TAB1: variants seen among roughly 807,000 people sequenced by gnomAD.
TAB1 encodes the protein TGF-beta activated kinase 1 (MAP3K7) binding protein 1.
Under a neutral mutation model 54.5 loss-of-function variants are expected in TAB1, and 30 were observed. The observed-to-expected ratio is 0.55, with a 90% CI of 0.41 to 0.75. The LOEUF (loss-of-function observed/expected upper bound fraction) is 0.75. TAB1 is among the 30% of genes least tolerant of loss of function. The pLI, the probability that TAB1 is intolerant of heterozygous loss-of-function variation, is 0.00. For missense variants in TAB1, 609 were observed against 683.2 expected (o/e 0.89, Z 1.21); for synonymous variants, 289 against 286.9 (o/e 1.01, Z -0.07).
rs552936584 is a variant in TAB1, at chr22:39,415,823, A to G, written c.324+170A>G. 3.3e-5 allele frequency among the ~76,000 whole-genome samples: 5 copies of G among 152,324 alleles called. No homozygotes were observed. Among genetic ancestry groups the G allele is most frequent in the African/African-American group, 1.2e-4 (5 of 41,584 alleles). On this transcript the variant is annotated intron_variant, in intron 3 of 10. Coordinates refer to ENST00000216160, the MANE Select transcript of TAB1 (RefSeq NM_006116.3). This position sits in a 1 kb window ranked among gnomAD's most constrained non-coding sequence, Gnocchi z 4.9. ...AGGCCCCCCCACCCAACAGGAGTCCAGGACCAGCCAGCGAGCAGCAGGCCT... is the reference window on the plus strand; with the variant it reads ...AGGCCCCCCCACCCAACAGGAGTCCGGGACCAGCCAGCGAGCAGCAGGCCT...
chr22:39,434,500 G>A (rs1927712831), downstream of TAB1, among the ~76,000 whole-genome samples: 4 of 152,302 alleles, frequency 2.6e-5, no homozygotes, highest in South Asian at 8.3e-4. Context: ...AAACAAGGAT[G>A]CAGATTTCTG....
downstream of TAB1, among the ~76,000 whole-genome samples, chr22:39,436,241 G>A (rs1440117367): frequency 4.6e-5 from 7 of 152,046 alleles, no homozygotes; most frequent in Non-Finnish European, 8.8e-5. Context: ...TGCAGTGAGT[G>A]GAGATTGTGC....
rs375542675 is a variant in TAB1, at chr22:39,430,219, G to A, written c.1512G>A (p.Pro504=). ...DHGEQSVVTA[P] is the part of the protein sequence containing the mutation. Reference sequence around the variant, plus strand: ...GCGAGCAGAGCGTGGTGACAGCACCGTAGGGCAGCCGGAGAATGCAGCCCA... The same window carrying A: ...GCGAGCAGAGCGTGGTGACAGCACCATAGGGCAGCCGGAGAATGCAGCCCA... The change falls in exon 11 of 11, where the codon CCG becomes CCA. Residue 504 remains proline, a synonymous_variant. Transcript: ENST00000216160. 14 of 1,611,904 alleles carry A rather than the reference G, an allele frequency of 8.7e-6. No individual in the cohort carries two copies. Among genetic ancestry groups the A allele is most frequent in the Admixed American group, 3.3e-5 (2 of 60,030 alleles).
downstream of TAB1, chr22:39,432,916 G>T (rs992299372): frequency 1.0e-6 from 1 of 985,322 alleles, no homozygotes; most frequent in African/African-American, 1.7e-5. Flanking sequence ...GAATGGGTTT[G>T]AGGACTTAAG....
chr22:39,415,677 G>T lies in TAB1; in HGVS notation c.324+24G>T. On this transcript the variant is annotated intron_variant, in intron 3 of 10. Transcript: ENST00000216160. The surrounding 1 kb of genome is among the most constrained non-coding windows in gnomAD (Gnocchi z 4.9). Reference sequence around the variant, plus strand: ...AGGTAATGGTGCCGGGGCCAACAGTGACCCAGCCACATCATGTCCCCCACC... The same window carrying T: ...AGGTAATGGTGCCGGGGCCAACAGTTACCCAGCCACATCATGTCCCCCACC... 1.9e-6 allele frequency: 3 copies of T among 1,595,660 alleles called. No homozygotes were observed. The South Asian group carries it at 3.3e-5, about 18-fold the overall frequency.
chr22:39,414,999 TC>T lies in TAB1; in HGVS notation c.34-3del, dbSNP rs1227185343. On this transcript the variant is annotated splice_polypyrimidine_tract_variant and splice_region_variant and intron_variant, in intron 1 of 10. Transcript: ENST00000216160. Reference sequence around the variant, plus strand: ...GCGTCTCACGGCTTCCTGGTGTCCTTCCCCAGGAGCAGCAGCCAAGCTGGAC... The same window carrying T: ...GCGTCTCACGGCTTCCTGGTGTCCTTCCCAGGAGCAGCAGCCAAGCTGGAC... The T allele has an allele frequency of 1.2e-6, 2 of 1,613,684 alleles. No individual in the cohort carries two copies. Among genetic ancestry groups the T allele is most frequent in the Admixed American group, 1.7e-5 (1 of 59,978 alleles).
Position 39,415,126 on chromosome 22 carries a change from A to G in TAB1, c.154A>G (p.Ser52Gly). The change falls in exon 2 of 11, where the codon AGC becomes GGC. Residue 52 changes from serine (S) to glycine (G), a missense_variant. Coordinates refer to ENST00000216160, the MANE Select transcript of TAB1 (RefSeq NM_006116.3). The surrounding 1 kb of genome is among the most constrained non-coding windows in gnomAD (Gnocchi z 4.9). ...KGTESHPPEDSWLKFRSENNC... is the reference protein window; with the variant it reads ...KGTESHPPEDGWLKFRSENNC... ...CACTGAGAGCCACCCGCCAGAGGAC[A>G]GCTGGCTCAAGTTCAGGTGTGTGTG... is the stretch of plus-strand genomic sequence containing the variant. The G allele has an allele frequency of 6.3e-7, 1 of 1,592,662 alleles. No homozygotes were observed. Among genetic ancestry groups the G allele is most frequent in the Non-Finnish European group, 8.6e-7 (1 of 1,166,344 alleles).
At chr22:39,409,036 T>C (rs1926499700) in intron 1 of TAB1, among the ~76,000 whole-genome samples, 1 of 152,244 alleles carries the variant, frequency 6.6e-6, no homozygotes, top group African/African-American at 2.4e-5. Context: ...TCATCTCATA[T>C]GAGAGGATGA....
intron 8 of TAB1, among the ~76,000 whole-genome samples, chr22:39,425,787 C>T (rs927872939): frequency 1.3e-5 from 2 of 151,588 alleles, no homozygotes; most frequent in East Asian, 1.9e-4. Flanking sequence ...ACCTCATGAT[C>T]GGCCTGCCTC....
chr22:39,413,602 A>G (rs1007323433), intron 1 of TAB1, among the ~76,000 whole-genome samples: 1 of 152,140 alleles, frequency 6.6e-6, no homozygotes, highest in Non-Finnish European at 1.5e-5. Context: ...TGTTTTTAAC[A>G]GAGACAGAGA....
chr22:39,415,402 C>A lies in TAB1; in HGVS notation c.171-98C>A. The A allele has an allele frequency of 9.0e-6, 13 of 1,437,746 alleles. No individual in the cohort carries two copies. The highest frequency in any genetic ancestry group is 1.2e-5 in the Non-Finnish European group (13 of 1,043,806). The allele number at this position is 1,437,746 out of a possible 1,614,324, so 89.1% of individuals were successfully genotyped here. On this transcript the variant is annotated intron_variant, in intron 2 of 10. Transcript: ENST00000216160. This position sits in a 1 kb window ranked among gnomAD's most constrained non-coding sequence, Gnocchi z 4.9. ...CCCAGGAGGGCCCCTGAAGCTGCAG[C>A]TGCTGTCGCTTTAGTCTCCCCCAAT...
At chr22:39,417,891 G>T in intron 5 of TAB1, 42 bp downstream of exon 5, 2 of 1,563,640 alleles carry the variant, frequency 1.3e-6, no homozygotes, top group Non-Finnish European at 1.7e-6. Flanking sequence ...ACTGGGGAGA[G>T]GTCAGCCACA....
At position 39,430,934 on chromosome 22, in the gene TAB1, G is replaced by A. The variant is rs981912801; in HGVS notation, c.*712G>A. The A allele has an allele frequency of 6.1e-6, 6 of 987,800 alleles. No homozygotes were observed. The African/African-American group carries it at 8.7e-5, about 14-fold the overall frequency. The allele number at this position is 987,800 out of a possible 1,614,324, so 61.2% of individuals were successfully genotyped here. On this transcript the variant is annotated 3_prime_UTR_variant, in exon 11 of 11. Coordinates refer to ENST00000216160, the MANE Select transcript of TAB1 (RefSeq NM_006116.3). ...CCCCAGAGCCAGGCGTGCGGGAGAGGTGAGGACTGGCCCCGGTGGGCTGAG... is the reference window on the plus strand; with the variant it reads ...CCCCAGAGCCAGGCGTGCGGGAGAGATGAGGACTGGCCCCGGTGGGCTGAG...
chr22:39,411,373 A>G (rs1292034758), intron 1 of TAB1, among the ~76,000 whole-genome samples: 1 of 152,254 alleles, frequency 6.6e-6, no homozygotes, highest in African/African-American at 2.4e-5. Context: ...CTAAGTTACA[A>G]ATAAAAAGAA....
At chr22:39,418,561 C>T (rs372916790) in intron 5 of TAB1, among the ~76,000 whole-genome samples, 171 bp from the exon 6 acceptor site, 3 of 152,296 alleles carry the variant, frequency 2.0e-5, no homozygotes, top group South Asian at 2.1e-4. Flanking sequence ...CCAATTCTTT[C>T]GTATCACCAG....
chr22:39,409,345 A>T (rs767857570), intron 1 of TAB1, among the ~76,000 whole-genome samples: 50 of 152,246 alleles, frequency 3.3e-4, no homozygotes, highest in Non-Finnish European at 5.0e-4. Context: ...ATGAAAATAT[A>T]CTAAGCAGAT....
At chr22:39,400,470 G>A (rs1926088961) in intron 1 of TAB1, among the ~76,000 whole-genome samples, 1 of 152,114 alleles carries the variant, frequency 6.6e-6, no homozygotes, top group Non-Finnish European at 1.5e-5. Flanking sequence ...CTCTGACTGT[G>A]TCTCCCTCAG....
chr22:39,399,955 C>T (rs990543874), intron 1 of TAB1, 120 bp downstream of exon 1: 1 of 1,099,536 alleles, frequency 9.1e-7, no homozygotes, highest in Non-Finnish European at 1.3e-6. Context: ...TGGGGTGTGT[C>T]AGCCACCTTC....
intron 10 of TAB1, chr22:39,429,512 T>C (rs1287534296): frequency 2.1e-6 from 1 of 469,540 alleles, no homozygotes; most frequent in African/African-American, 2.1e-5. Flanking sequence ...AGTTTCACTC[T>C]TGTTGCCCAG....
Sources: allele counts gnomAD v4.1 joint callset (sites outside exome capture counted in the v4.1 genomes callset), GRCh38; gene constraint gnomAD v4.1.1; non-coding constraint Gnocchi (gnomAD v3.1); transcripts MANE v1.5; gene names NCBI Gene and HGNC (gene_info 2026-07-23, HGNC 2026-07-21).